DYNC1I1: variants seen among roughly 807,000 people sequenced by gnomAD.
DYNC1I1 encodes cytoplasmic dynein 1 intermediate chain 1.
Under a neutral mutation model 86.6 loss-of-function variants are expected in DYNC1I1, and 43 were observed. The ratio of observed to expected loss-of-function variants is 0.50; its 90% confidence interval spans 0.39 to 0.64. DYNC1I1 has a LOEUF of 0.64. DYNC1I1 is among the 30% of genes least tolerant of loss of function. DYNC1I1 has a pLI of 0.00. For missense variants in DYNC1I1, 604 were observed against 788.8 expected, an observed-to-expected ratio of 0.77 and a Z score of 2.81; for synonymous variants, 262 against 283.7, an observed-to-expected ratio of 0.92 and a Z score of 0.77.
intron 1 of DYNC1I1, among the ~76,000 whole-genome samples, chr7:95,794,529 G>A (rs1794387741): frequency 6.6e-6 from 1 of 152,164 alleles, no homozygotes; most frequent in African/African-American, 2.4e-5. Flanking sequence ...AAAGACGACA[G>A]TGGCTTTTGA....
At chr7:96,022,282 T>C (rs915624195) in intron 10 of DYNC1I1, among the ~76,000 whole-genome samples, 1 of 152,212 alleles carries the variant, frequency 6.6e-6, no homozygotes, top group African/African-American at 2.4e-5. Context: ...AGGCACGTGA[T>C]AGGGTCTAAA....
chr7:95,891,980 C>G (rs74943543), intron 6 of DYNC1I1, among the ~76,000 whole-genome samples: 1 of 144,948 alleles, frequency 6.9e-6, no homozygotes, highest in Non-Finnish European at 1.5e-5. Context: ...TTTTTTTTTT[C>G]TTTTTGAGAC....
At chr7:96,001,295 C>A (rs1794005981) in intron 10 of DYNC1I1, among the ~76,000 whole-genome samples, 1 of 152,146 alleles carries the variant, frequency 6.6e-6, no homozygotes, top group Admixed American at 6.5e-5. Context: ...CCCTGCAATA[C>A]CCACCCACCT....
chr7:95,773,634 C>T (rs1278307719), intron 1 of DYNC1I1, among the ~76,000 whole-genome samples: 1 of 152,124 alleles, frequency 6.6e-6, no homozygotes, highest in Non-Finnish European at 1.5e-5. Flanking sequence ...CTCTACTAAT[C>T]CTAGGTAAGG....
Position 95,828,114 on chromosome 7 carries a change from T to C in DYNC1I1, c.372T>C (p.Leu124=), listed in dbSNP as rs1361679659. Residue 124 remains leucine (L), a splice_region_variant and synonymous_variant, in exon 5 of 17, where the codon CTT becomes CTC. Coordinates refer to ENST00000447467, the MANE Select transcript of DYNC1I1 (RefSeq NM_001135556.2). ...TCCAGCTGCAGTCAGACTCAGAACT[T>C]GGGTATATGTCTGCTCTTTTGTTAC... The part of the protein sequence containing the change: ...SVLQLQSDSE[L]GRRLHKLGVS... The C allele has an allele frequency of 1.9e-6, 3 of 1,613,696 alleles. No homozygotes were observed. The African/African-American group carries it at 4.0e-5, about 22-fold the overall frequency.
intron 1 of DYNC1I1, among the ~76,000 whole-genome samples, chr7:95,793,720 G>A (rs576525396): frequency 6.6e-6 from 1 of 152,334 alleles, no homozygotes; most frequent in Middle Eastern, 3.4e-3. Flanking sequence ...AGTGGGTTAT[G>A]AGCTAATGGT....
chr7:95,847,783 C>T (rs77638013), intron 5 of DYNC1I1, among the ~76,000 whole-genome samples: 6,028 of 152,150 alleles, frequency 0.04, 414 homozygotes, highest in African/African-American at 0.14. Flanking sequence ...CAGGAGATCT[C>T]GCTAGGATAT....
At chr7:95,779,029 A>G (rs192471355) in intron 1 of DYNC1I1, among the ~76,000 whole-genome samples, 2 of 152,220 alleles carry the variant, frequency 1.3e-5, no homozygotes, top group African/African-American at 4.8e-5. Flanking sequence ...GACATTTGAC[A>G]ATGTCTGGAG....
chr7:95,809,140 C>A (rs960484387), intron 2 of DYNC1I1, among the ~76,000 whole-genome samples: 1 of 152,066 alleles, frequency 6.6e-6, no homozygotes, highest in African/African-American at 2.4e-5. Flanking sequence ...AGATAGACTT[C>A]AAAAATATGA....
chr7:96,041,102 G>C lies in DYNC1I1; in HGVS notation c.1509+1681G>C, dbSNP rs150146993. ...TAGGAAATAAATAGAAATTGAACTA[G>C]AAAAGGGAGATGAAAAAGTAACCCA... On this transcript the variant is annotated intron_variant, in intron 14 of 16. Coordinates refer to ENST00000447467, the MANE Select transcript of DYNC1I1 (RefSeq NM_001135556.2). 3.4e-4 allele frequency among the ~76,000 whole-genome samples: 52 copies of C among 152,170 alleles called. 1 individual carries two copies. The East Asian group carries it at 0.01, about 29-fold the overall frequency.
chr7:95,992,241 C>A (rs1356816156), intron 9 of DYNC1I1, among the ~76,000 whole-genome samples: 2 of 152,080 alleles, frequency 1.3e-5, no homozygotes, highest in African/African-American at 4.8e-5. Context: ...GTAGTTACTT[C>A]TACGTGTGTC....
At chr7:95,860,221 A>G (rs1278107576) in intron 5 of DYNC1I1, among the ~76,000 whole-genome samples, 1 of 152,118 alleles carries the variant, frequency 6.6e-6, no homozygotes, top group Non-Finnish European at 1.5e-5. Flanking sequence ...TTCTCTCTCT[A>G]TCATAATGAT....
downstream of DYNC1I1, among the ~76,000 whole-genome samples, chr7:96,099,731 G>A (rs1038265480): frequency 6.6e-6 from 1 of 152,032 alleles, no homozygotes; most frequent in Non-Finnish European, 1.5e-5. Context: ...ATCTCCCAAA[G>A]GCCCACCTCC....
chr7:95,993,997 T>G (rs1793796128), intron 9 of DYNC1I1, among the ~76,000 whole-genome samples: 1 of 152,194 alleles, frequency 6.6e-6, no homozygotes, highest in Admixed American at 6.5e-5. Flanking sequence ...ATGAGATTTA[T>G]CCTCAGTTTA....
At chr7:96,092,740 G>A (rs1397877552) in intron 16 of DYNC1I1, among the ~76,000 whole-genome samples, 1 of 152,094 alleles carries the variant, frequency 6.6e-6, no homozygotes, top group African/African-American at 2.4e-5. Flanking sequence ...CTGGGTGGTG[G>A]GGCTCTGGGA....
intron 14 of DYNC1I1, among the ~76,000 whole-genome samples, chr7:96,073,660 G>C (rs1321146806): frequency 6.6e-6 from 1 of 152,136 alleles, no homozygotes; most frequent in African/African-American, 2.4e-5. Flanking sequence ...TGAGGATCCT[G>C]ACAATTGACT....
At chr7:95,801,620 A>C (rs779763233) in intron 1 of DYNC1I1, among the ~76,000 whole-genome samples, 25 of 152,210 alleles carry the variant, frequency 1.6e-4, no homozygotes, top group Non-Finnish European at 3.1e-4. Flanking sequence ...GGCTGCTTTC[A>C]GCTTAGAATG....
intron 5 of DYNC1I1, among the ~76,000 whole-genome samples, chr7:95,849,901 T>C (rs1789532344): frequency 6.6e-6 from 1 of 152,164 alleles, no homozygotes; most frequent in Non-Finnish European, 1.5e-5. Flanking sequence ...CTCTCATCAG[T>C]ATTTTATAGT....
At chr7:96,090,281 G>A (rs1363156847) in intron 16 of DYNC1I1, among the ~76,000 whole-genome samples, 1 of 151,892 alleles carries the variant, frequency 6.6e-6, no homozygotes, top group Non-Finnish European at 1.5e-5. Context: ...TTCTTCCACA[G>A]GTAAAACCTT....
Sources: allele counts gnomAD v4.1 joint callset (sites outside exome capture counted in the v4.1 genomes callset), GRCh38; gene constraint gnomAD v4.1.1; transcripts MANE v1.5; gene names NCBI Gene and HGNC (gene_info 2026-07-23, HGNC 2026-07-21).